The following SPINK9 variants were observed in gnomAD, a reference collection of about 807,000 sequenced individuals.
The protein encoded by SPINK9 is serine protease inhibitor Kazal-type 9.
SPINK9 carries 3 observed loss-of-function variants against 10.8 expected under a neutral mutation model. The ratio of observed to expected loss-of-function variants is 0.28; its 90% CI spans 0.13 to 0.72. The LOEUF is 0.72. Among genes scored for constraint, SPINK9 ranks in the 30% least tolerant of loss-of-function variants. SPINK9 has a pLI of 0.74. For missense variants in SPINK9, 101 were observed against 103.2 expected, an observed-to-expected ratio of 0.98 and a Z score of 0.09; for synonymous variants, 30 against 31.2, an observed-to-expected ratio of 0.96 and a Z score of 0.12.
intron 2 of SPINK9, among the ~76,000 whole-genome samples, chr5:148,328,682 T>C (rs1365052280): frequency 6.6e-6 from 1 of 152,226 alleles, no homozygotes; most frequent in East Asian, 1.9e-4. Flanking sequence ...GTCCCATCAA[T>C]ACCTAATTTA....
chr5:148,326,785 C>T (rs1286754861), intron 2 of SPINK9, among the ~76,000 whole-genome samples: 3 of 150,348 alleles, frequency 2.0e-5, no homozygotes, highest in East Asian at 1.9e-4. Context: ...GTCCTTGCGA[C>T]AGTTTGCTGA....
chr5:148,331,894 GTTTC>G (rs1355072837), upstream of SPINK9, among the ~76,000 whole-genome samples: 1 of 152,172 alleles, frequency 6.6e-6, no homozygotes, highest in Admixed American at 6.5e-5. Context: ...GAAAATGTGA[GTTTC>G]TTTCTCAGAT....
chr5:148,339,345 C>T (rs973250071), intron 3 of SPINK9, among the ~76,000 whole-genome samples: 1 of 151,616 alleles, frequency 6.6e-6, no homozygotes, highest in Non-Finnish European at 1.5e-5. Context: ...ACATATGTGG[C>T]ATATTGTTCT....
intron 1 of SPINK9, among the ~76,000 whole-genome samples, chr5:148,323,424 T>C (rs952938185): frequency 6.6e-6 from 1 of 152,158 alleles, no homozygotes; most frequent in Non-Finnish European, 1.5e-5. Flanking sequence ...ATGGCAATAA[T>C]CTAAAAACAG....
At chr5:148,327,263 T>A (rs977376115) in intron 2 of SPINK9, among the ~76,000 whole-genome samples, 1 of 152,240 alleles carries the variant, frequency 6.6e-6, no homozygotes, top group Admixed American at 6.5e-5. Context: ...TGATGGCCAG[T>A]GATGATCATT....
rs767967021 is a variant in SPINK9, at chr5:148,339,721, T to C, written c.*9T>C. Reference sequence around the variant, plus strand: ...ATTTTGGAAAATGTTAAATCTATCTTGTGAGTCCAAAATATCTTTTAATGC... The same window carrying C: ...ATTTTGGAAAATGTTAAATCTATCTCGTGAGTCCAAAATATCTTTTAATGC... On this transcript the variant is annotated 3_prime_UTR_variant, in exon 4 of 4. Coordinates refer to ENST00000377906, the MANE Select transcript of SPINK9 (RefSeq NM_001040433.2). 4 of 1,608,430 alleles carry C rather than the reference T, an allele frequency of 2.5e-6. No homozygotes were observed. The South Asian group carries it at 4.4e-5, about 18-fold the overall frequency.
At chr5:148,322,500 T>C (rs995550519) in intron 1 of SPINK9, among the ~76,000 whole-genome samples, 3 of 152,170 alleles carry the variant, frequency 2.0e-5, no homozygotes, top group Non-Finnish European at 4.4e-5. Flanking sequence ...AAATGCTTCA[T>C]TGCTTATGTG....
intron 2 of SPINK9, among the ~76,000 whole-genome samples, chr5:148,326,489 CA>C (rs1399380765): frequency 6.6e-6 from 1 of 152,054 alleles, no homozygotes; most frequent in Non-Finnish European, 1.5e-5. Context: ...TAGAAATAAC[CA>C]AAGTGCCCAT....
At chr5:148,328,328 C>T (rs557913391) in intron 2 of SPINK9, among the ~76,000 whole-genome samples, 84 of 152,216 alleles carry the variant, frequency 5.5e-4, no homozygotes, top group African/African-American at 1.9e-3. Context: ...TATAAGAATG[C>T]TTGTGATTTT....
intron 2 of SPINK9, among the ~76,000 whole-genome samples, chr5:148,328,460 T>A (rs1278060088): frequency 6.6e-6 from 1 of 152,240 alleles, no homozygotes; most frequent in Non-Finnish European, 1.5e-5. Flanking sequence ...AGGGACAATT[T>A]GACTTCCTCT....
intron 1 of SPINK9, among the ~76,000 whole-genome samples, 195 bp from the exon 2 acceptor site, chr5:148,336,227 C>G (rs549227840): frequency 6.6e-6 from 1 of 152,098 alleles, no homozygotes; most frequent in Non-Finnish European, 1.5e-5. Context: ...TCCACTCCCA[C>G]TCCAAAAAAG....
At position 148,338,544 on chromosome 5, in the gene SPINK9, C is replaced by A; in HGVS notation, c.154C>A (p.Pro52Thr). Residue 52 changes from proline to threonine, a missense_variant, in exon 3 of 4, where the codon CCA (proline) becomes ACA (threonine). By Grantham distance (38) the Pro-to-Thr change is conservative. Transcript: ENST00000377906. ...GAGATTTTGTCATCATATGTATGAT[C>A]CAATTTGTGGATCTGATGGCAAAAC... ...QQRFCHHMYD[P>T]ICGSDGKTYK... is the part of the protein sequence containing the mutation. 1 of 1,608,590 alleles carries A rather than the reference C, an allele frequency of 6.2e-7. No homozygotes were observed. Among genetic ancestry groups the A allele is most frequent in the Non-Finnish European group, 8.5e-7 (1 of 1,176,380 alleles).
At chr5:148,324,494 A>G (rs1021167566) in intron 2 of SPINK9, among the ~76,000 whole-genome samples, 6 of 152,120 alleles carry the variant, frequency 3.9e-5, no homozygotes, top group Non-Finnish European at 8.8e-5. Flanking sequence ...ATACTGGCTG[A>G]AAAGATACAA....
chr5:148,329,975 T>C (rs918877542), intron 2 of SPINK9, among the ~76,000 whole-genome samples: 7 of 152,250 alleles, frequency 4.6e-5, no homozygotes, highest in Non-Finnish European at 1.0e-4. Context: ...GAAGAATGTA[T>C]ATTCTGTTGA....
intron 2 of SPINK9, among the ~76,000 whole-genome samples, chr5:148,329,304 T>C (rs1561766700): frequency 2.0e-5 from 3 of 152,218 alleles, no homozygotes; most frequent in Admixed American, 6.5e-5. Context: ...GAGGTGTTTA[T>C]AGTATTCTCT....
chr5:148,330,929 C>T (rs941460953), upstream of SPINK9, among the ~76,000 whole-genome samples: 17 of 152,162 alleles, frequency 1.1e-4, no homozygotes, highest in African/African-American at 2.9e-4. Context: ...TTGCTAAGCC[C>T]GATGGAAAAG....
At chr5:148,324,710 CTTATTA>C (rs3036873) in intron 2 of SPINK9, among the ~76,000 whole-genome samples, 3 of 150,984 alleles carry the variant, frequency 2.0e-5, no homozygotes, top group Non-Finnish European at 3.0e-5. Flanking sequence ...CTGAATGGGT[CTTATTA>C]TTATTATTAT....
chr5:148,339,770 C>T lies in SPINK9; in HGVS notation c.*58C>T. ...GCATCTATTCACAAGAGTCACATTT[C>T]TGTTCCCATATTATCTATGCCACAT... On this transcript the variant is annotated 3_prime_UTR_variant, in exon 4 of 4. Coordinates refer to ENST00000377906, the MANE Select transcript of SPINK9 (RefSeq NM_001040433.2). 7.0e-7 allele frequency: 1 copy of T among 1,428,584 alleles called. No homozygotes were observed. Among genetic ancestry groups the T allele is most frequent in the East Asian group, 2.3e-5 (1 of 43,774 alleles). 88.5% of individuals were successfully genotyped at this position (1,428,584 alleles called of 1,614,324 possible). A position where few individuals can be genotyped will look rare whatever the true frequency, so the allele number is the denominator to read the frequency against.
chr5:148,338,422 T>A, intron 2 of SPINK9, 56 bp from the exon 3 acceptor site: 2 of 1,537,726 alleles, frequency 1.3e-6, no homozygotes, highest in East Asian at 2.3e-5. Flanking sequence ...AAATCCTAAA[T>A]CCTGATAATA....
Sources: allele counts gnomAD v4.1 joint callset (sites outside exome capture counted in the v4.1 genomes callset), GRCh38; gene constraint gnomAD v4.1.1; transcripts MANE v1.5; gene names NCBI Gene and HGNC (gene_info 2026-07-23, HGNC 2026-07-21).